Variants in SEMA6D observed in about 807,000 individuals in gnomAD.
SEMA6D encodes semaphorin 6D.
Under a neutral mutation model 106.6 loss-of-function variants are expected in SEMA6D, and 35 were observed. The observed-to-expected ratio is 0.33, with a 90% CI of 0.25 to 0.44. The LOEUF is 0.44. SEMA6D is among the 20% of genes least tolerant of loss of function. The pLI, the probability that SEMA6D is intolerant of heterozygous loss-of-function variation, is 1.00. For missense variants in SEMA6D, 1,185 were observed against 1,345.9 expected (o/e 0.88, Z 1.87); for synonymous variants, 499 against 487.7 (o/e 1.02, Z -0.31).
In SEMA6D at chr15:47,588,020, G is replaced by A. The variant is rs146445283; in HGVS notation, c.-86-12845G>A. Reference sequence around the variant, plus strand: ...GCTACTTCTACAGGAAAACACAGAGGAAAGATAACTGGATGCCTAACTAAT... The same window carrying A: ...GCTACTTCTACAGGAAAACACAGAGAAAAGATAACTGGATGCCTAACTAAT... On this transcript the variant is annotated intron_variant, in intron 3 of 19. Transcript: ENST00000558014. Among the ~76,000 whole-genome samples, 483 of 152,278 alleles carry A rather than the reference G, an allele frequency of 3.2e-3. 2 individuals carry two copies. Among genetic ancestry groups the A allele is most frequent in the Middle Eastern group, 6.8e-3 (2 of 294 alleles).
intron 1 of SEMA6D, among the ~76,000 whole-genome samples, chr15:47,753,192 T>G (rs2081540114): frequency 6.6e-6 from 1 of 151,838 alleles, no homozygotes; most frequent in East Asian, 1.9e-4. Flanking sequence ...AGTGGGAAAT[T>G]TACATTTATG....
At chr15:47,370,124 TCA>T (rs977301358) in intron 1 of SEMA6D, among the ~76,000 whole-genome samples, 9 of 152,224 alleles carry the variant, frequency 5.9e-5, no homozygotes, top group Non-Finnish European at 1.2e-4. Flanking sequence ...TTTCAGTCCT[TCA>T]CTCTTCAATA....
intron 2 of SEMA6D, among the ~76,000 whole-genome samples, chr15:47,423,448 GCTTT>G (rs1320285492): frequency 6.6e-6 from 1 of 151,930 alleles, no homozygotes; most frequent in Non-Finnish European, 1.5e-5. Context: ...CTGCCTTCTT[GCTTT>G]CTTAAGTCAA....
chr15:47,521,138 G>A (rs2044560120), intron 3 of SEMA6D, among the ~76,000 whole-genome samples: 1 of 152,166 alleles, frequency 6.6e-6, no homozygotes, highest in South Asian at 2.1e-4. Context: ...GGAGACGTGG[G>A]TCAACATGGA....
intron 1 of SEMA6D, among the ~76,000 whole-genome samples, chr15:47,198,516 T>G (rs753845880): frequency 2.6e-5 from 4 of 152,136 alleles, no homozygotes; most frequent in Non-Finnish European, 5.9e-5. Context: ...AAGACAGAGC[T>G]CTAAGGAAGT....
intron 4 of SEMA6D, among the ~76,000 whole-genome samples, chr15:47,606,944 A>G (rs1566929962): frequency 6.6e-6 from 1 of 152,148 alleles, no homozygotes; most frequent in Admixed American, 6.5e-5. Context: ...GGGCTGCACT[A>G]ATACTCTTGC....
intron 2 of SEMA6D, among the ~76,000 whole-genome samples, chr15:47,415,608 C>A (rs537801186): frequency 2.3e-4 from 35 of 152,128 alleles, no homozygotes; most frequent in African/African-American, 8.4e-4. Context: ...GACCCACAGC[C>A]CTCCGCTTCC....
chr15:47,346,459 GACTGTCC>G (rs1311196980), intron 1 of SEMA6D, among the ~76,000 whole-genome samples: 1 of 152,178 alleles, frequency 6.6e-6, no homozygotes, highest in African/African-American at 2.4e-5. Flanking sequence ...CTTTTTCCAT[GACTGTCC>G]TTTTGTCTCC....
chr15:47,552,268 C>T (rs1429238029), intron 3 of SEMA6D, among the ~76,000 whole-genome samples: 1 of 151,774 alleles, frequency 6.6e-6, no homozygotes, highest in Non-Finnish European at 1.5e-5. Flanking sequence ...TATATATGCA[C>T]CATGGTTGCA....
intron 4 of SEMA6D, among the ~76,000 whole-genome samples, chr15:47,683,152 C>A (rs375863996): frequency 1.1e-4 from 16 of 152,222 alleles, no homozygotes; most frequent in African/African-American, 3.9e-4. Context: ...AGAGTGTACC[C>A]ATCACTTGAA....
intron 1 of SEMA6D, among the ~76,000 whole-genome samples, chr15:47,207,802 T>A (rs910398139): frequency 6.6e-6 from 1 of 152,104 alleles, no homozygotes; most frequent in African/African-American, 2.4e-5. Flanking sequence ...GAATAACCAC[T>A]GTGCTTTCTG....
intron 4 of SEMA6D, among the ~76,000 whole-genome samples, chr15:47,628,325 G>A (rs73390993): frequency 0.032 from 4,905 of 151,992 alleles, 266 homozygotes; most frequent in African/African-American, 0.11. Flanking sequence ...TTTCTTTATA[G>A]AAACTGCCAA....
intron 4 of SEMA6D, among the ~76,000 whole-genome samples, chr15:47,645,310 G>T (rs539817986): frequency 2.0e-5 from 3 of 152,126 alleles, no homozygotes; most frequent in African/African-American, 7.2e-5. Flanking sequence ...GCCACCATGG[G>T]TATTTTATAA....
At chr15:47,196,702 C>T (rs1200840996) in intron 1 of SEMA6D, among the ~76,000 whole-genome samples, 2 of 152,140 alleles carry the variant, frequency 1.3e-5, no homozygotes, top group Admixed American at 6.5e-5. Context: ...AGCGCTAAGC[C>T]CTTTCATATT....
intron 3 of SEMA6D, among the ~76,000 whole-genome samples, chr15:47,488,599 T>C (rs1423851207): frequency 2.0e-5 from 3 of 152,126 alleles, no homozygotes; most frequent in Non-Finnish European, 4.4e-5. Context: ...TGTAGGGCAA[T>C]AGTAGGATGA....
chr15:47,511,933 C>A (rs760107473), intron 3 of SEMA6D, among the ~76,000 whole-genome samples: 1 of 152,126 alleles, frequency 6.6e-6, no homozygotes, highest in Non-Finnish European at 1.5e-5. Flanking sequence ...GCTTGCCTGA[C>A]CTCGGTGAGA....
chr15:47,217,922 C>T (rs1320576720), intron 1 of SEMA6D, among the ~76,000 whole-genome samples: 1 of 142,870 alleles, frequency 7.0e-6, no homozygotes, highest in Non-Finnish European at 1.5e-5. Flanking sequence ...TAAAGTATCC[C>T]TTAGCTAAAT....
chr15:47,625,320 C>T (rs527487202), intron 4 of SEMA6D, among the ~76,000 whole-genome samples: 5 of 152,184 alleles, frequency 3.3e-5, no homozygotes, highest in East Asian at 1.9e-4. Flanking sequence ...AATATTTAGA[C>T]GAGTTATTAC....
chr15:47,580,175 G>A (rs574691683), intron 3 of SEMA6D, among the ~76,000 whole-genome samples: 6 of 152,202 alleles, frequency 3.9e-5, no homozygotes, highest in South Asian at 2.1e-4. Flanking sequence ...TATATGGAGC[G>A]GAGGGACAGG....
Sources: gnomAD v4.1 joint callset for allele counts (sites outside exome capture counted in the v4.1 genomes callset) on GRCh38, gnomAD v4.1.1 for gene constraint, MANE v1.5 for transcripts, NCBI Gene and HGNC (gene_info 2026-07-23, HGNC 2026-07-21) for gene names.